COL6A3: variants seen among roughly 807,000 people sequenced by gnomAD.
COL6A3 encodes the protein collagen alpha-3(VI) chain.
Under a neutral mutation model 274.1 loss-of-function variants are expected in COL6A3, and 137 were observed. That is an observed-to-expected ratio of 0.50 (90% CI 0.44 to 0.58). The LOEUF (loss-of-function observed/expected upper bound fraction) is 0.58, where lower values mean the gene tolerates loss of function less well. Ranked by LOEUF, COL6A3 falls within the 20% of genes least tolerant of loss-of-function variation. The pLI, the probability that COL6A3 is intolerant of heterozygous loss-of-function variation, is 0.00. For missense variants in COL6A3, 3,950 were observed against 4,124.9 expected, an observed-to-expected ratio of 0.96 and a Z score of 1.16; for synonymous variants, 1,650 against 1,650.6, an observed-to-expected ratio of 1.00 and a Z score of 0.01.
In COL6A3 at chr2:237,366,731, G is replaced by A. The variant is rs764242694; in HGVS notation, c.5456C>T (p.Ala1819Val). 6 of 1,614,224 alleles carry A rather than the reference G, an allele frequency of 3.7e-6. No individual in the cohort carries two copies. The Admixed American group carries it at 6.7e-5, about 18-fold the overall frequency. ...ACCAGGGCAAAGGGTTTCATGCATC[G>A]CATCATGCAAAGTTTCCAAAACTTG... ...SEQVLETLHD[A>V]MHETLCPGVT... is the part of the protein sequence containing the mutation. Residue 1819 changes from alanine (A) to valine (V), a missense_variant, in exon 11 of 44, where the codon GCG becomes GTG. Around this residue, in one of 5 missense-constraint regions of COL6A3, gnomAD observed 632 missense variants for 623.4 expected, o/e 1.01. Coordinates refer to ENST00000295550, the MANE Select transcript of COL6A3 (RefSeq NM_004369.4).
chr2:237,361,609 TA>T lies in COL6A3; in HGVS notation c.6156+129del. The stretch of plus-strand genomic sequence containing the variant: ...GTCTGCCCCTCAGAGCTCCTCCTTC[TA>T]ACATAAGAAATGGTCTCTCGTCTCC... On this transcript the variant is annotated intron_variant, in intron 15 of 43. Coordinates refer to ENST00000295550, the MANE Select transcript of COL6A3 (RefSeq NM_004369.4). This position sits in a 1 kb window ranked among gnomAD's most constrained non-coding sequence, Gnocchi z 5.1. The T allele has an allele frequency of 1.1e-6, 1 of 916,176 alleles. No individual in the cohort carries two copies. The highest frequency in any genetic ancestry group is 1.8e-6 in the Non-Finnish European group (1 of 552,174). The allele number at this position is 916,176 out of a possible 1,614,324, so 56.8% of individuals were successfully genotyped here. A position where few individuals can be genotyped will look rare whatever the true frequency, so the allele number is the denominator to read the frequency against.
At chr2:237,333,429 C>T in intron 42 of COL6A3, 21 bp downstream of exon 42, 3 of 1,602,546 alleles carry the variant, frequency 1.9e-6, no homozygotes, top group Non-Finnish European at 2.6e-6. Flanking sequence ...CATTAATGGA[C>T]CTAATAGTTT....
chr2:237,387,289 G>A (rs548513364), intron 4 of COL6A3, among the ~76,000 whole-genome samples: 4 of 152,240 alleles, frequency 2.6e-5, no homozygotes, highest in East Asian at 1.9e-4. Flanking sequence ...TAGTTAATAC[G>A]GTGATGTTTA....
chr2:237,356,590 G>T (rs2077322487), intron 23 of COL6A3, among the ~76,000 whole-genome samples: 1 of 152,092 alleles, frequency 6.6e-6, no homozygotes, highest in South Asian at 2.1e-4. Context: ...CCAGCACCCA[G>T]CCCCAGCTTG....
At position 237,354,908 on chromosome 2, in the gene COL6A3, G is replaced by C. The variant is rs201814201; in HGVS notation, c.6618C>G (p.Pro2206=). 2 of 1,612,010 alleles carry C rather than the reference G, an allele frequency of 1.2e-6. No individual in the cohort carries two copies. Among genetic ancestry groups the C allele is most frequent in the South Asian group, 1.1e-5 (1 of 90,722 alleles). ...ACTGCATGAGGCTCACCTTAGCTCC[G>C]GGGGGTCCCCTTCGGCCAAAGCCAC... ...KNGGFGRRGP[P]GAKGNKGGPG... Residue 2206 remains proline (P), a synonymous_variant, in exon 24 of 44, where the codon CCC becomes CCG. Transcript: ENST00000295550.
In COL6A3 at chr2:237,407,438, A is replaced by C. The variant is rs2078748848; in HGVS notation, c.-31+6515T>G. 2.0e-5 allele frequency among the ~76,000 whole-genome samples: 3 copies of C among 152,158 alleles called. No individual in the cohort carries two copies. Among genetic ancestry groups the C allele is most frequent in the Admixed American group, 2.0e-4 (3 of 15,280 alleles). On this transcript the variant is annotated intron_variant, in intron 1 of 43. Coordinates refer to ENST00000295550, the MANE Select transcript of COL6A3 (RefSeq NM_004369.4). This position sits in a 1 kb window ranked among gnomAD's most constrained non-coding sequence, Gnocchi z 4.3. ...TCCTGGTAAAATCTAACAAAGCAAC[A>C]CCTGTTCTGCAACTTGTGGATTATA...
rs1438903323 is a variant in COL6A3, at chr2:237,368,115, G to A, written c.4900+448C>T. On this transcript the variant is annotated intron_variant, in intron 10 of 43. Coordinates refer to ENST00000295550, the MANE Select transcript of COL6A3 (RefSeq NM_004369.4). This position sits in a 1 kb window ranked among gnomAD's most constrained non-coding sequence, Gnocchi z 4.4. ...CAAAGACGAGAACCAGGAGCACGGG[G>A]TAGAAGCTGAGGTGGACGACTGCAA... is the stretch of plus-strand genomic sequence containing the variant. Among the ~76,000 whole-genome samples the A allele has an allele frequency of 6.6e-6, 1 of 152,228 alleles. No homozygotes were observed. Among genetic ancestry groups the A allele is most frequent in the East Asian group, 1.9e-4 (1 of 5,196 alleles).
At chr2:237,350,704 T>C (rs968313983) in intron 27 of COL6A3, among the ~76,000 whole-genome samples, 1 of 152,182 alleles carries the variant, frequency 6.6e-6, no homozygotes, top group Admixed American at 6.5e-5. Flanking sequence ...TCTTGGATGA[T>C]CTAAATGTGA....
intron 42 of COL6A3, chr2:237,329,067 T>G: frequency 6.6e-6 from 1 of 152,234 alleles, no homozygotes; most frequent in Non-Finnish European, 1.5e-5. Flanking sequence ...ATTTATTTAC[T>G]TATTTAGATA....
At position 237,325,594 on chromosome 2, in the gene COL6A3, T is replaced by A. The variant is rs886044034; in HGVS notation, c.9459A>T (p.Gly3153=). Residue 3153 remains glycine, a synonymous_variant, in exon 43 of 44, where the codon GGA becomes GGT. Transcript: ENST00000295550. The part of the protein sequence containing the change: ...GGCGGNENKF[G]SQKECEKVCA... ...AAACCTTTTCACATTCTTTCTGTGA[T>A]CCAAATTTGTTTTCGTTTCCACCAC... The A allele has an allele frequency of 6.2e-7, 1 of 1,614,192 alleles. No homozygotes were observed. The highest frequency in any genetic ancestry group is 2.2e-5 in the East Asian group (1 of 44,886).
intron 4 of COL6A3, among the ~76,000 whole-genome samples, 169 bp downstream of exon 4, chr2:237,387,413 A>G (rs1005932388): frequency 2.6e-5 from 4 of 152,194 alleles, no homozygotes; most frequent in Non-Finnish European, 4.4e-5. Context: ...TTCCGCACAC[A>G]TGACATCACA....
In COL6A3 at chr2:237,376,821, T is replaced by A. The variant is rs201085369; in HGVS notation, c.3021A>T (p.Pro1007=). ...CTGATTTTAAGAGATTCACTATCTG[T>A]GGATGAAGATCTCCAATCTTGGGAA... ...ESLPKIGDLH[P]QIVNLLKSVH... Residue 1007 remains proline, a synonymous_variant, in exon 7 of 44, where the codon CCA becomes CCT. Transcript: ENST00000295550. 18 of 1,614,228 alleles carry A rather than the reference T, an allele frequency of 1.1e-5. No individual in the cohort carries two copies. The East Asian group carries it at 4.0e-4, about 36-fold the overall frequency.
intron 6 of COL6A3, 134 bp from the exon 7 acceptor site, chr2:237,377,478 G>C (rs2077880407): frequency 7.2e-6 from 6 of 836,436 alleles, no homozygotes; most frequent in Non-Finnish European, 1.2e-5. Flanking sequence ...CAAGAGAAGA[G>C]AAAACCCAAA....
At chr2:237,402,429 G>T (rs1574771714) in intron 1 of COL6A3, among the ~76,000 whole-genome samples, 1 of 152,112 alleles carries the variant, frequency 6.6e-6, no homozygotes, top group Admixed American at 6.5e-5. Flanking sequence ...AATATCATTT[G>T]CCAGGTTTTA....
At chr2:237,412,205 G>A (rs2078873113) in intron 1 of COL6A3, among the ~76,000 whole-genome samples, 1 of 152,202 alleles carries the variant, frequency 6.6e-6, no homozygotes, top group African/African-American at 2.4e-5. Context: ...GCCCACTTCA[G>A]AAAGAAGAGC....
intron 4 of COL6A3, among the ~76,000 whole-genome samples, chr2:237,387,118 G>C (rs1324715002): frequency 6.6e-6 from 1 of 152,174 alleles, no homozygotes; most frequent in African/African-American, 2.4e-5. Flanking sequence ...AAATGACTTT[G>C]AGGAGACACC....
At position 237,363,457 on chromosome 2, in the gene COL6A3, T is replaced by G. The variant is rs574601456; in HGVS notation, c.5918-59A>C. On this transcript the variant is annotated intron_variant, in intron 13 of 43. Transcript: ENST00000295550. ...TAGGCATGTGGAAAATGCAATGTCC[T>G]TTTTTCCTGACTACATTTTTAAAGA... 1.9e-6 allele frequency: 3 copies of G among 1,581,418 alleles called. No individual in the cohort carries two copies. The East Asian group carries it at 6.7e-5, about 35-fold the overall frequency.
intron 42 of COL6A3, chr2:237,328,404 TA>T (rs1369663320): frequency 6.6e-6 from 1 of 152,170 alleles, no homozygotes; most frequent in Admixed American, 6.5e-5. Context: ...CAAGGCACCC[TA>T]AGCCCCACAG....
chr2:237,324,579 G>C lies in COL6A3; in HGVS notation c.*195C>G, dbSNP rs550815671. 2 of 603,906 alleles carry C rather than the reference G, an allele frequency of 3.3e-6. No homozygotes were observed. The highest frequency in any genetic ancestry group is 3.0e-6 in the Non-Finnish European group (1 of 330,892). The allele number at this position is 603,906 out of a possible 1,614,324, so 37.4% of individuals were successfully genotyped here. A position where few individuals can be genotyped will look rare whatever the true frequency, so the allele number is the denominator to read the frequency against. ...TTCGAGAGAACTGCCTGGAGACAGA[G>C]AGCGAGGGTCCACAGACACATTAGC... is the stretch of plus-strand genomic sequence containing the variant. On this transcript the variant is annotated 3_prime_UTR_variant, in exon 44 of 44. Transcript: ENST00000295550.
Sources: gnomAD v4.1 joint callset for allele counts (sites outside exome capture counted in the v4.1 genomes callset) on GRCh38, gnomAD v4.1.1 for gene constraint, gnomAD v4.1.1 regional missense constraint, Gnocchi (gnomAD v3.1) non-coding constraint, MANE v1.5 for transcripts, NCBI Gene and HGNC (gene_info 2026-07-23, HGNC 2026-07-21) for gene names.